Variants in JARID2 observed in about 807,000 individuals in gnomAD.
JARID2 encodes protein Jumonji.
In JARID2, 21 loss-of-function variants were observed where a neutral mutation model predicts 125.6. That is an observed-to-expected ratio of 0.17 (90% CI 0.12 to 0.24). The LOEUF (loss-of-function observed/expected upper bound fraction) is 0.24. Ranked by LOEUF, JARID2 falls within the 10% of genes least tolerant of loss-of-function variation. The pLI, the probability that JARID2 is intolerant of heterozygous loss-of-function variation, is 1.00. For synonymous variants in JARID2, 736 were observed against 661.6 expected (o/e 1.11, Z -1.73); for missense variants, 1,303 against 1,639.6 (o/e 0.79, Z 3.55).
At position 15,522,031 on chromosome 6, in the gene JARID2, T is replaced by TGTC. The variant is rs1290010612; in HGVS notation, c.*1781_*1783dup. On this transcript the variant is annotated 3_prime_UTR_variant, in exon 18 of 18. Coordinates refer to ENST00000341776, the MANE Select transcript of JARID2 (RefSeq NM_004973.4). The stretch of plus-strand genomic sequence containing the variant: ...AAACAAAGTTTTTTGGACATTTGTC[T>TGTC]GTCTTGTGGAAGATGACTGAATGGA... The TGTC allele has an allele frequency of 2.0e-5, 3 of 152,242 alleles. No individual in the cohort carries two copies. The highest frequency in any genetic ancestry group is 7.2e-5 in the African/African-American group (3 of 41,466). 9.4% of individuals were successfully genotyped at this position (152,242 alleles called of 1,614,324 possible).
At chr6:15,308,555 G>A (rs1434927711) in intron 1 of JARID2, among the ~76,000 whole-genome samples, 2 of 152,150 alleles carry the variant, frequency 1.3e-5, no homozygotes, top group East Asian at 3.8e-4. Flanking sequence ...TCTCCCCTGT[G>A]GTTAAATAGT....
chr6:15,442,385 T>G (rs1463424341), intron 3 of JARID2, among the ~76,000 whole-genome samples: 3 of 152,222 alleles, frequency 2.0e-5, no homozygotes, highest in Non-Finnish European at 4.4e-5. Flanking sequence ...TCACTCCTTG[T>G]AACTACAACA....
intron 1 of JARID2, chr6:15,248,807 G>A: frequency 1.7e-6 from 1 of 583,864 alleles, no homozygotes; most frequent in Non-Finnish European, 2.2e-6. Context: ...GTCAAAAGTC[G>A]GGCGGGAGGC....
At chr6:15,412,312 T>G (rs1765911923) in intron 3 of JARID2, among the ~76,000 whole-genome samples, 1 of 151,968 alleles carries the variant, frequency 6.6e-6, no homozygotes, top group African/African-American at 2.4e-5. Context: ...TTTCTTTTTT[T>G]GGGGGGGTTG....
rs572340153 is a variant in JARID2, at chr6:15,472,886, T to G, written c.670+4168T>G. 2.4e-3 allele frequency among the ~76,000 whole-genome samples: 372 copies of G among 152,338 alleles called. 1 individual carries two copies. The highest frequency in any genetic ancestry group is 8.5e-3 in the African/African-American group (352 of 41,582). On this transcript the variant is annotated intron_variant, in intron 5 of 17. Coordinates refer to ENST00000341776, the MANE Select transcript of JARID2 (RefSeq NM_004973.4). ...CGTCATAGGGAAGTTTGAATCTTAT[T>G]TAGTCTGAGGTTTTCTTTCTATTGC... is the stretch of plus-strand genomic sequence containing the variant.
intron 1 of JARID2, among the ~76,000 whole-genome samples, chr6:15,278,749 T>A (rs1303429308): frequency 1.3e-5 from 2 of 151,796 alleles, no homozygotes; most frequent in East Asian, 3.9e-4. Context: ...CGAGAGGAAT[T>A]GATTGGAGGA....
chr6:15,265,377 A>C (rs565040645), intron 1 of JARID2, among the ~76,000 whole-genome samples: 296 of 152,028 alleles, frequency 1.9e-3, no homozygotes, highest in African/African-American at 6.7e-3. Flanking sequence ...AAAAAAAAAA[A>C]AACAAAAAAA....
chr6:15,280,295 C>T (rs989525640), intron 1 of JARID2, among the ~76,000 whole-genome samples: 10 of 152,010 alleles, frequency 6.6e-5, no homozygotes, highest in South Asian at 6.2e-4. Flanking sequence ...TAAATTCGTT[C>T]GAGTTAAACT....
intron 1 of JARID2, among the ~76,000 whole-genome samples, chr6:15,365,198 A>G (rs970255892): frequency 1.3e-5 from 2 of 152,148 alleles, no homozygotes. Flanking sequence ...ACTGGCCAAT[A>G]ATTTATTTGT....
intron 2 of JARID2, among the ~76,000 whole-genome samples, chr6:15,375,008 A>ATTTC: frequency 6.6e-6 from 1 of 152,334 alleles, no homozygotes; most frequent in South Asian, 2.1e-4. Context: ...CAAGGAGATG[A>ATTTC]GAAAGAGCAG....
chr6:15,259,463 T>G (rs1759789717), intron 1 of JARID2, among the ~76,000 whole-genome samples: 1 of 152,200 alleles, frequency 6.6e-6, no homozygotes, highest in South Asian at 2.1e-4. Flanking sequence ...TGGTCTTGCC[T>G]TCCCAGAGCT....
intron 2 of JARID2, among the ~76,000 whole-genome samples, chr6:15,402,738 C>T (rs755747975): frequency 6.6e-6 from 1 of 152,104 alleles, no homozygotes; most frequent in Non-Finnish European, 1.5e-5. Flanking sequence ...TCTGGGCCCT[C>T]TGTGGTGTGG....
intron 1 of JARID2, among the ~76,000 whole-genome samples, chr6:15,271,227 G>A (rs1324673145): frequency 6.6e-6 from 1 of 152,196 alleles, no homozygotes; most frequent in African/African-American, 2.4e-5. Flanking sequence ...TTGGGACCAA[G>A]GGAGGTTCAG....
In JARID2 at chr6:15,498,058, G is replaced by A. The variant is rs190240954; in HGVS notation, c.1945+888G>A. Among the ~76,000 whole-genome samples the A allele has an allele frequency of 7.9e-5, 12 of 152,240 alleles. No homozygotes were observed. The East Asian group carries it at 2.1e-3, about 27-fold the overall frequency. On this transcript the variant is annotated intron_variant, in intron 7 of 17. Transcript: ENST00000341776. ...AGACCCTGTCTCCAAATTCATTCAT[G>A]TCCTGAGGTACTGGAGGTCAGGGCT...
At chr6:15,468,915 T>G (rs1768880449) in intron 5 of JARID2, among the ~76,000 whole-genome samples, 197 bp downstream of exon 5, 1 of 152,138 alleles carries the variant, frequency 6.6e-6, no homozygotes, top group Non-Finnish European at 1.5e-5. Flanking sequence ...GTGCAGATAC[T>G]CTGATGATGT....
At chr6:15,294,520 G>GTCAC (rs1221535764) in intron 1 of JARID2, among the ~76,000 whole-genome samples, 1 of 152,212 alleles carries the variant, frequency 6.6e-6, no homozygotes, top group African/African-American at 2.4e-5. Flanking sequence ...TAGGTAACAG[G>GTCAC]TCACAAGGTT....
Position 15,252,669 on chromosome 6 carries a change from T to G in JARID2, c.45+6085T>G, listed in dbSNP as rs189709375. 2.5e-3 allele frequency among the ~76,000 whole-genome samples: 386 copies of G among 152,370 alleles called. 2 individuals are homozygous for G. Among genetic ancestry groups the G allele is most frequent in the Non-Finnish European group, 4.6e-3 (312 of 68,034 alleles). On this transcript the variant is annotated intron_variant, in intron 1 of 17. Transcript: ENST00000341776. ...TTTACTTATGAGATATTGTGGAAGGTCTGTTCCATTTTAAATCCTTAAGCC... is the reference window on the plus strand; with the variant it reads ...TTTACTTATGAGATATTGTGGAAGGGCTGTTCCATTTTAAATCCTTAAGCC...
At chr6:15,491,578 GAGA>G (rs1770153255) in intron 6 of JARID2, among the ~76,000 whole-genome samples, 4 of 152,374 alleles carry the variant, frequency 2.6e-5, no homozygotes, top group South Asian at 4.1e-4. Flanking sequence ...CCCTCTCGTG[GAGA>G]AGAAGAACTT....
chr6:15,440,816 A>G lies in JARID2; in HGVS notation c.324-11190A>G, dbSNP rs190198019. Among the ~76,000 whole-genome samples, 596 of 152,346 alleles carry G rather than the reference A, an allele frequency of 3.9e-3. 4 individuals carry two copies. The highest frequency in any genetic ancestry group is 0.024 in the Middle Eastern group (7 of 294). ...AGAATTAGTTTTCCTAAAGTTCATTAGCTATTAGCAGATTTTTTAAATTAT... is the reference window on the plus strand; with the variant it reads ...AGAATTAGTTTTCCTAAAGTTCATTGGCTATTAGCAGATTTTTTAAATTAT... On this transcript the variant is annotated intron_variant, in intron 3 of 17. Coordinates refer to ENST00000341776, the MANE Select transcript of JARID2 (RefSeq NM_004973.4).
Sources: allele counts gnomAD v4.1 joint callset (sites outside exome capture counted in the v4.1 genomes callset), GRCh38; gene constraint gnomAD v4.1.1; transcripts MANE v1.5; gene names NCBI Gene and HGNC (gene_info 2026-07-23, HGNC 2026-07-21).